The following RAD23A variants were observed in gnomAD, a reference collection of about 807,000 sequenced individuals.
RAD23A encodes the protein RAD23 nucleotide excision repair protein A.
RAD23A carries 16 observed loss-of-function variants against 44.8 expected under a neutral mutation model. That is an observed-to-expected ratio of 0.36 (90% CI 0.24 to 0.54). The LOEUF is 0.54. RAD23A is among the 20% of genes least tolerant of loss of function. The pLI, the probability that RAD23A is intolerant of heterozygous loss-of-function variation, is 0.89. For missense variants in RAD23A, 380 were observed against 483.3 expected, an observed-to-expected ratio of 0.79 and a Z score of 2.00; for synonymous variants, 217 against 202.9, an observed-to-expected ratio of 1.07 and a Z score of -0.59.
At position 12,948,848 on chromosome 19, in the gene RAD23A, G is replaced by A. The variant is rs749893693; in HGVS notation, c.600+35G>A. ...GGCTTCCGCCTCCCGGGGAGGCCTT[G>A]AGGGAGTACCCGGGCGTCACTGCCC... On this transcript the variant is annotated intron_variant, in intron 5 of 8. Coordinates refer to ENST00000586534, the MANE Select transcript of RAD23A (RefSeq NM_005053.4). The surrounding 1 kb of genome is among the most constrained non-coding windows in gnomAD (Gnocchi z 5.5). 1.3e-6 allele frequency: 2 copies of A among 1,576,606 alleles called. No homozygotes were observed. Among genetic ancestry groups the A allele is most frequent in the East Asian group, 4.5e-5 (2 of 44,656 alleles).
At position 12,949,413 on chromosome 19, in the gene RAD23A, G is replaced by T. The variant is rs773026016; in HGVS notation, c.813+5G>T. On this transcript the variant is annotated splice_donor_5th_base_variant and intron_variant, in intron 7 of 8. Transcript: ENST00000586534. ...GAGAACCCTCAGCTTTTACAGGTGT[G>T]GTCCCAAGGGCAGAGGGAGCTAGGG... is the stretch of plus-strand genomic sequence containing the variant. 5.0e-6 allele frequency: 8 copies of T among 1,611,882 alleles called. No individual in the cohort carries two copies. In the Admixed American group the frequency reaches 1.3e-4, roughly 27 times the overall value.
At chr19:12,949,482 C>T (rs1054865913) in intron 7 of RAD23A, 74 bp downstream of exon 7, 13 of 1,562,426 alleles carry the variant, frequency 8.3e-6, no homozygotes, top group East Asian at 4.5e-5. Flanking sequence ...GTCCATAACA[C>T]GTAGGAATCG....
At chr19:12,947,238 CAT>C (rs34598385) in intron 1 of RAD23A, among the ~76,000 whole-genome samples, 6,380 of 100,410 alleles carry the variant, frequency 0.064, 168 homozygotes, top group East Asian at 0.11. Context: ...GCCAGTCTAA[CAT>C]AGGGAGACTC....
At chr19:12,952,485 C>A in intron 7 of RAD23A, 2 of 596,954 alleles carry the variant, frequency 3.4e-6, no homozygotes, top group South Asian at 4.4e-5. Context: ...AGCCACCGTG[C>A]CCGGCTTATT....
chr19:12,948,388 G>A lies in RAD23A; in HGVS notation c.416+30G>A. The A allele has an allele frequency of 6.4e-7, 1 of 1,556,472 alleles. No individual in the cohort carries two copies. Among genetic ancestry groups the A allele is most frequent in the South Asian group, 1.2e-5 (1 of 82,226 alleles). Reference sequence around the variant, plus strand: ...GGCGGGGGCAGCAGTCCCAGCTTGGGCCCTGTCCTCCTAGCACATTCCAGC... The same window carrying A: ...GGCGGGGGCAGCAGTCCCAGCTTGGACCCTGTCCTCCTAGCACATTCCAGC... On this transcript the variant is annotated intron_variant, in intron 3 of 8. Transcript: ENST00000586534. The surrounding 1 kb of genome is among the most constrained non-coding windows in gnomAD (Gnocchi z 5.5).
chr19:12,946,147 G>A, intron 1 of RAD23A, 127 bp downstream of exon 1: 1 of 869,628 alleles, frequency 1.1e-6, no homozygotes, highest in Non-Finnish European at 1.7e-6. Context: ...CCAGACCCCC[G>A]ACCTGCCCGA....
In RAD23A at chr19:12,945,993, C is replaced by G. The variant is rs769191860; in HGVS notation, c.45C>G (p.Phe15Leu). 6.3e-7 allele frequency: 1 copy of G among 1,592,876 alleles called. No homozygotes were observed. The highest frequency in any genetic ancestry group is 1.1e-5 in the South Asian group (1 of 90,522). The change falls in exon 1 of 9, where the codon TTC (phenylalanine) becomes TTG (leucine). Residue 15 changes from phenylalanine to leucine, a missense_variant. Physicochemically the swap from Phe to Leu is conservative, Grantham distance 22. This residue lies in a region of RAD23A where 70 missense variants were observed against 106.0 expected (regional missense o/e 0.66). Transcript: ENST00000586534. ...TCAAAACGCTGCAGCAGCAGACCTT[C>G]AAGATCCGCATGGAGCCTGACGAGA... The part of the protein sequence containing the change: ...ITLKTLQQQT[F>L]KIRMEPDETV...
At chr19:12,951,159 G>A (rs746843460) in intron 7 of RAD23A, among the ~76,000 whole-genome samples, 8 of 152,176 alleles carry the variant, frequency 5.3e-5, no homozygotes, top group Non-Finnish European at 1.2e-4. Flanking sequence ...CTGGTAGGTG[G>A]GAATAGAGAC....
chr19:12,948,268 C>G lies in RAD23A; in HGVS notation c.326C>G (p.Ser109Ter). 2 of 1,613,754 alleles carry G rather than the reference C, an allele frequency of 1.2e-6. No individual in the cohort carries two copies. The highest frequency in any genetic ancestry group is 1.7e-6 in the Non-Finnish European group (2 of 1,179,804). ...ACATCCTTCCCGCCTGCCCCCACCT[C>G]AGGCATGTCCCATCCCCCACCTGCC... ...SSTSFPPAPT[S>*]GMSHPPPAAR... Residue 109 changes from serine to a stop codon, truncating the protein, a stop_gained, in exon 3 of 9, where the codon TCA becomes TGA. Coordinates refer to ENST00000586534, the MANE Select transcript of RAD23A (RefSeq NM_005053.4). LOFTEE classifies it high-confidence loss of function. This position sits in a 1 kb window ranked among gnomAD's most constrained non-coding sequence, Gnocchi z 5.5.
At position 12,953,419 on chromosome 19, in the gene RAD23A, A is replaced by G. The variant is rs1055765535; in HGVS notation, c.*370A>G. On this transcript the variant is annotated 3_prime_UTR_variant, in exon 9 of 9. Transcript: ENST00000586534. ...TGAGGACCCCCCCCCATCCTCTTCT[A>G]GGATGAGGGGAAGCTGGAGCCCCAA... is the stretch of plus-strand genomic sequence containing the variant. 6.3e-6 allele frequency: 1 copy of G among 159,626 alleles called. No homozygotes were observed. Among genetic ancestry groups the G allele is most frequent in the Admixed American group, 6.5e-5 (1 of 15,480 alleles). The allele number at this position is 159,626 out of a possible 1,614,324, so 9.9% of individuals were successfully genotyped here.
In RAD23A at chr19:12,948,449, G is replaced by A. The variant is rs1157760361; in HGVS notation, c.417-48G>A. 5 of 1,549,900 alleles carry A rather than the reference G, an allele frequency of 3.2e-6. No homozygotes were observed. The highest frequency in any genetic ancestry group is 4.4e-6 in the Non-Finnish European group (5 of 1,147,930). ...GTGGTCCCACACACCTGGAGGGAGG[G>A]CAAGCCGCCAGAAGCCAGGGTCCGA... On this transcript the variant is annotated intron_variant, in intron 3 of 8. Coordinates refer to ENST00000586534, the MANE Select transcript of RAD23A (RefSeq NM_005053.4). The surrounding 1 kb of genome is among the most constrained non-coding windows in gnomAD (Gnocchi z 5.5).
At chr19:12,947,800 A>G in intron 1 of RAD23A, 48 bp from the exon 2 acceptor site, 1 of 1,592,384 alleles carries the variant, frequency 6.3e-7, no homozygotes, top group Non-Finnish European at 8.6e-7. Flanking sequence ...CTAGAAGGGA[A>G]AAGAGAATCT....
At chr19:12,950,539 C>A (rs988298683) in intron 7 of RAD23A, among the ~76,000 whole-genome samples, 3 of 152,016 alleles carry the variant, frequency 2.0e-5, no homozygotes, top group Admixed American at 6.6e-5. Context: ...GTAGCTGGGA[C>A]TACAGGCGCC....
intron 7 of RAD23A, among the ~76,000 whole-genome samples, chr19:12,951,213 G>T (rs1374642925): frequency 3.9e-5 from 6 of 152,132 alleles, no homozygotes; most frequent in African/African-American, 7.2e-5. Flanking sequence ...TTGGGCCCAA[G>T]CAGTCCCTCC....
chr19:12,952,728 A>G lies in RAD23A; in HGVS notation c.853A>G (p.Asn285Asp). The change falls in exon 8 of 9, where the codon AAC (asparagine) becomes GAC (aspartate). Residue 285 changes from asparagine (N) to aspartate (D), a missense_variant. Physicochemically the swap from Asn to Asp is conservative, Grantham distance 23. This residue lies in a region of RAD23A where 279 missense variants were observed against 313.7 expected (regional missense o/e 0.89). Coordinates refer to ENST00000586534, the MANE Select transcript of RAD23A (RefSeq NM_005053.4). ...CCAGGAGCAGTTCATCCAGATGCTG[A>G]ACGAGCCCCCTGGGGAGCTGGCGGA... ...RHQEQFIQMLNEPPGELADIS... is the reference protein window; with the variant it reads ...RHQEQFIQMLDEPPGELADIS... The G allele has an allele frequency of 6.2e-7, 1 of 1,612,590 alleles. No homozygotes were observed. Among genetic ancestry groups the G allele is most frequent in the Non-Finnish European group, 8.5e-7 (1 of 1,179,724 alleles).
At chr19:12,950,855 G>T (rs1471379413) in intron 7 of RAD23A, among the ~76,000 whole-genome samples, 5 of 152,168 alleles carry the variant, frequency 3.3e-5, no homozygotes, top group African/African-American at 1.2e-4. Flanking sequence ...CACTTGGTCA[G>T]GAGTTTTAGA....
In RAD23A at chr19:12,952,983, C is replaced by T. The variant is rs775245365; in HGVS notation, c.1026C>T (p.Phe342=). 120 of 1,613,804 alleles carry T rather than the reference C, an allele frequency of 7.4e-5. No individual in the cohort carries two copies. Among genetic ancestry groups the T allele is most frequent in the Non-Finnish European group, 9.9e-5 (117 of 1,179,988 alleles). Residue 342 remains phenylalanine, a synonymous_variant, in exon 9 of 9, where the codon TTC becomes TTT. Transcript: ENST00000586534. ...AGAGCCTGGTCATCCAGGCCTATTTCGCGTGTGAAAAAAATGAGAACTTGG... is the reference window on the plus strand; with the variant it reads ...AGAGCCTGGTCATCCAGGCCTATTTTGCGTGTGAAAAAAATGAGAACTTGG... The part of the protein sequence containing the change: ...FPESLVIQAY[F]ACEKNENLAA...
At chr19:12,950,055 C>CA (rs761468713) in intron 7 of RAD23A, among the ~76,000 whole-genome samples, 35 of 152,062 alleles carry the variant, frequency 2.3e-4, no homozygotes, top group Non-Finnish European at 4.6e-4. Flanking sequence ...TGTCCTGGGG[C>CA]CTTCAGTCTG....
chr19:12,947,842 C>T lies in RAD23A; in HGVS notation c.73-6C>T. 1 of 1,613,162 alleles carries T rather than the reference C, an allele frequency of 6.2e-7. No homozygotes were observed. The highest frequency in any genetic ancestry group is 1.1e-5 in the South Asian group (1 of 91,082). On this transcript the variant is annotated splice_polypyrimidine_tract_variant and splice_region_variant and intron_variant, in intron 1 of 8. Coordinates refer to ENST00000586534, the MANE Select transcript of RAD23A (RefSeq NM_005053.4). ...CTCCAGTGACTGTCTGTACCACTCC[C>T]TCTAGGTGAAGGTGCTAAAGGAGAA...
Sources: gnomAD v4.1 joint callset for allele counts (sites outside exome capture counted in the v4.1 genomes callset) on GRCh38, gnomAD v4.1.1 for gene constraint, gnomAD v4.1.1 regional missense constraint, Gnocchi (gnomAD v3.1) non-coding constraint, MANE v1.5 for transcripts, NCBI Gene and HGNC (gene_info 2026-07-23, HGNC 2026-07-21) for gene names.